Variants in MED1 observed in about 807,000 individuals in gnomAD.
MED1 encodes mediator complex subunit 1, also known as mediator of RNA polymerase II transcription subunit 1.
MED1 carries 17 observed loss-of-function variants against 121.3 expected under a neutral mutation model. The ratio of observed to expected loss-of-function variants is 0.14; its 90% CI spans 0.10 to 0.21. The LOEUF (loss-of-function observed/expected upper bound fraction) is 0.21. MED1 is among the 10% of genes least tolerant of loss of function. The pLI is 1.00. For missense variants in MED1, 1,558 were observed against 1,919.4 expected, an observed-to-expected ratio of 0.81 and a Z score of 3.52; for synonymous variants, 661 against 694.4, an observed-to-expected ratio of 0.95 and a Z score of 0.76.
chr17:39,421,940 A>G (rs906719694), intron 13 of MED1, among the ~76,000 whole-genome samples: 3 of 151,484 alleles, frequency 2.0e-5, no homozygotes, highest in African/African-American at 7.3e-5. Context: ...CATCCTGGCT[A>G]ACATGGTGAA....
At chr17:39,447,750 A>T in intron 2 of MED1, 48 bp downstream of exon 2, 1 of 1,347,166 alleles carries the variant, frequency 7.4e-7, no homozygotes, top group Non-Finnish European at 1.1e-6. Context: ...GCGTATTAAG[A>T]ATAATTATCT....
chr17:39,412,820 C>T (rs2048369715), intron 16 of MED1, among the ~76,000 whole-genome samples: 1 of 151,824 alleles, frequency 6.6e-6, no homozygotes, highest in Non-Finnish European at 1.5e-5. Context: ...ACAGGGGTGA[C>T]CCCCGCACCC....
chr17:39,407,428 A>C lies in MED1; in HGVS notation c.*47T>G. The C allele has an allele frequency of 6.5e-7, 1 of 1,545,674 alleles. No individual in the cohort carries two copies. The highest frequency in any genetic ancestry group is 8.7e-7 in the Non-Finnish European group (1 of 1,150,246). ...ATGGTGGTTTGCCTATAAACTTATC[A>C]ATAGTTTTTTTTCCTCTGGCCCTGT... On this transcript the variant is annotated 3_prime_UTR_variant, in exon 17 of 17. Transcript: ENST00000300651.
intron 6 of MED1, among the ~76,000 whole-genome samples, chr17:39,435,803 G>A (rs1030516245): frequency 2.0e-5 from 3 of 152,058 alleles, no homozygotes; most frequent in South Asian, 2.1e-4. Context: ...CTGAGTTCAC[G>A]CAATTCTCCA....
chr17:39,441,034 T>C (rs2048669855), intron 3 of MED1, among the ~76,000 whole-genome samples: 2 of 151,972 alleles, frequency 1.3e-5, no homozygotes, highest in Admixed American at 1.3e-4. Flanking sequence ...ACACCATTAA[T>C]CACAACAGTC....
chr17:39,441,703 C>T (rs1049002132), intron 3 of MED1, among the ~76,000 whole-genome samples: 3 of 152,104 alleles, frequency 2.0e-5, no homozygotes, highest in Admixed American at 1.3e-4. Flanking sequence ...CCGGTGGGGG[C>T]GCAGTGGTTG....
chr17:39,444,453 G>A (rs935402647), intron 2 of MED1, among the ~76,000 whole-genome samples: 1 of 150,042 alleles, frequency 6.7e-6, no homozygotes, highest in African/African-American at 2.5e-5. Flanking sequence ...GTTGCAGTGA[G>A]CCGAGATCAC....
Position 39,443,710 on chromosome 17 carries a change from G to A in MED1, c.133-82C>T, listed in dbSNP as rs568629088. ...GGTAAACATACACATTATCCTAGTA[G>A]TAATATTGCAGGACAGTCTATAGAC... is the stretch of plus-strand genomic sequence containing the variant. On this transcript the variant is annotated intron_variant, in intron 2 of 16. Transcript: ENST00000300651. 2.7e-6 allele frequency: 3 copies of A among 1,118,654 alleles called. No individual in the cohort carries two copies. The South Asian group carries it at 3.8e-5, about 14-fold the overall frequency. 69.3% of individuals were successfully genotyped at this position (1,118,654 alleles called of 1,614,324 possible).
chr17:39,405,380 G>A lies in MED1; in HGVS notation c.*2095C>T. 15 of 1,558,614 alleles carry A rather than the reference G, an allele frequency of 9.6e-6. No homozygotes were observed. Among genetic ancestry groups the A allele is most frequent in the Non-Finnish European group, 1.3e-5 (15 of 1,150,832 alleles). ...TTGGTATTTGTTGGCCCTGCATGGG[G>A]GAGCTGAGCCCATGATACTATTCAG... is the stretch of plus-strand genomic sequence containing the variant. On this transcript the variant is annotated 3_prime_UTR_variant, in exon 17 of 17. Transcript: ENST00000300651.
intron 16 of MED1, 142 bp from the exon 17 acceptor site, chr17:39,410,863 A>G: frequency 8.0e-7 from 1 of 1,252,846 alleles, no homozygotes; most frequent in Non-Finnish European, 1.1e-6. Flanking sequence ...GTTCTATCAA[A>G]TACCAGAGCT....
chr17:39,413,268 G>A lies in MED1; in HGVS notation c.1499+1758C>T, dbSNP rs115799559. ...TTTTATATTTTTATTTATTTAGTTA[G>A]TTTGTTTGTTTTGAGACAGAATCTC... On this transcript the variant is annotated intron_variant, in intron 16 of 16. Transcript: ENST00000300651. Among the ~76,000 whole-genome samples the A allele has an allele frequency of 9.2e-3, 1,392 of 151,960 alleles. 18 individuals are homozygous for A. The highest frequency in any genetic ancestry group is 0.032 in the African/African-American group (1,316 of 41,458).
chr17:39,421,552 CAAAAAATA>C (rs1391368485), intron 13 of MED1, among the ~76,000 whole-genome samples: 2 of 151,602 alleles, frequency 1.3e-5, no homozygotes, highest in East Asian at 2.0e-4. Context: ...GACTCCATCT[CAAAAAATA>C]AAAAAATAAA....
intron 8 of MED1, 92 bp from the exon 9 acceptor site, chr17:39,431,280 TC>T (rs2048562930): frequency 9.0e-6 from 9 of 998,900 alleles, no homozygotes. Flanking sequence ...CGAAGTCTTG[TC>T]TTTTTTTTTT....
Position 39,443,581 on chromosome 17 carries a change from G to A in MED1, c.180C>T (p.Ser60=). 1 of 1,613,910 alleles carries A rather than the reference G, an allele frequency of 6.2e-7. No individual in the cohort carries two copies. Among genetic ancestry groups the A allele is most frequent in the Non-Finnish European group, 8.5e-7 (1 of 1,179,894 alleles). ...MSSGGHQHLV[S]CLETLQKALK... ...GAGCCTTCTGCAATGTCTCCAAACA[G>A]CTGACCAAATGTTGATGCCCTCCAG... is the stretch of plus-strand genomic sequence containing the variant. Residue 60 remains serine (S), a synonymous_variant, in exon 3 of 17, where the codon AGC becomes AGT. Transcript: ENST00000300651.
intron 6 of MED1, among the ~76,000 whole-genome samples, chr17:39,434,836 A>G (rs899914677): frequency 6.6e-6 from 1 of 152,050 alleles, no homozygotes; most frequent in African/African-American, 2.4e-5. Context: ...TGTCAACAAA[A>G]ATAAAACTTT....
At chr17:39,417,183 A>G (rs545506618) in intron 14 of MED1, among the ~76,000 whole-genome samples, 1 of 152,214 alleles carries the variant, frequency 6.6e-6, no homozygotes, top group East Asian at 1.9e-4. Flanking sequence ...TACAAAGATT[A>G]GCCTGGCATG....
intron 16 of MED1, among the ~76,000 whole-genome samples, chr17:39,414,634 CTT>C (rs55829399): frequency 7.5e-4 from 46 of 61,456 alleles, no homozygotes; most frequent in African/African-American, 2.0e-3. Flanking sequence ...CAGGCCCGGC[CTT>C]TTTTTTTTTT....
intron 5 of MED1, among the ~76,000 whole-genome samples, chr17:39,439,985 A>AGAAAGAAGGAAG (rs1555544107): frequency 2.9e-4 from 36 of 125,682 alleles, no homozygotes; most frequent in African/African-American, 8.0e-4. Flanking sequence ...AAAGAAAGAA[A>AGAAAGAAGGAAG]GAAGGAAGGA....
chr17:39,426,454 T>TAAAC (rs1450519850), intron 10 of MED1, among the ~76,000 whole-genome samples: 11 of 151,868 alleles, frequency 7.2e-5, no homozygotes, highest in African/African-American at 2.4e-4. Context: ...CTTAAATAAA[T>TAAAC]AAATAAACAA....
Sources: gnomAD v4.1 joint callset for allele counts (sites outside exome capture counted in the v4.1 genomes callset) on GRCh38, gnomAD v4.1.1 for gene constraint, MANE v1.5 for transcripts, NCBI Gene and HGNC (gene_info 2026-07-23, HGNC 2026-07-21) for gene names.